The following METTL4 variants were observed in gnomAD, a reference collection of about 807,000 sequenced individuals.
The protein encoded by METTL4 is methyltransferase 4, N6-adenosine, also known as N(6)-adenine-specific methyltransferase METTL4.
In METTL4, 40 loss-of-function variants were observed where a neutral mutation model predicts 54.0. That is an observed-to-expected ratio of 0.74 (90% CI 0.58 to 0.96). METTL4 has a LOEUF of 0.96. METTL4 is among the 50% of genes least tolerant of loss of function. METTL4 has a pLI of 0.00. For missense variants in METTL4, 525 were observed against 549.0 expected (o/e 0.96, Z 0.44); for synonymous variants, 169 against 183.8 (o/e 0.92, Z 0.65).
chr18:2,538,754 C>T lies in METTL4; in HGVS notation c.*246G>A, dbSNP rs188657187. 155 of 434,674 alleles carry T rather than the reference C, an allele frequency of 3.6e-4. No individual in the cohort carries two copies. The highest frequency in any genetic ancestry group is 1.6e-3 in the Admixed American group (42 of 26,990). 26.9% of individuals were successfully genotyped at this position (434,674 alleles called of 1,614,324 possible). A position where few individuals can be genotyped will look rare whatever the true frequency, so the allele number is the denominator to read the frequency against. ...AACTTTTTCAATAGCATGGTCTTGCCGTCTTTATAACTGCTTACCACTTAA... is the reference window on the plus strand; with the variant it reads ...AACTTTTTCAATAGCATGGTCTTGCTGTCTTTATAACTGCTTACCACTTAA... On this transcript the variant is annotated 3_prime_UTR_variant, in exon 9 of 9. Coordinates refer to ENST00000574538, the MANE Select transcript of METTL4 (RefSeq NM_022840.5).
In METTL4 at chr18:2,540,448, AT is replaced by A. The variant is rs2071978293; in HGVS notation, c.1274-1304del. On this transcript the variant is annotated intron_variant, in intron 8 of 8. Transcript: ENST00000574538. ...AGGTTTAAAAGAGAATATATCAAAT[AT>A]TTTAGGTTTCATCATGTTCTTCAGT... 4 of 983,582 alleles carry A rather than the reference AT, an allele frequency of 4.1e-6. No homozygotes were observed. The South Asian group carries it at 1.9e-4, about 46-fold the overall frequency. The allele number at this position is 983,582 out of a possible 1,614,324, so 60.9% of individuals were successfully genotyped here.
chr18:2,561,508 A>T (rs2072316570), intron 3 of METTL4: 1 of 152,364 alleles, frequency 6.6e-6, no homozygotes, highest in African/African-American at 2.4e-5. Flanking sequence ...TAGAAATTTA[A>T]CTTGATGCCA....
At chr18:2,562,955 G>GAA (rs5822712) in intron 3 of METTL4, among the ~76,000 whole-genome samples, 4 of 151,122 alleles carry the variant, frequency 2.6e-5, no homozygotes, top group Admixed American at 6.6e-5. Context: ...GAAAGAAAGG[G>GAA]AAAAAAAACC....
Position 2,554,763 on chromosome 18 carries a change from T to C in METTL4, c.735A>G (p.Thr245=), listed in dbSNP as rs1273711011. 8 of 1,613,740 alleles carry C rather than the reference T, an allele frequency of 5.0e-6. No homozygotes were observed. Among genetic ancestry groups the C allele is most frequent in the Non-Finnish European group, 4.2e-6 (5 of 1,179,832 alleles). The part of the protein sequence containing the change: ...LRVVENNSSF[T]KVITLMGQKY... The stretch of plus-strand genomic sequence containing the variant: ...TCTGTCCCATTAAAGTAATCACTTT[T>C]GTAAAGCTAGAGTTGTTTTCAACAA... Residue 245 remains threonine, a synonymous_variant, in exon 4 of 9, where the codon ACA becomes ACG. Transcript: ENST00000574538.
rs892343746 is a variant in METTL4, at chr18:2,571,130, A to C, written c.-439+19T>G. The stretch of plus-strand genomic sequence containing the variant: ...TGGGAGCCCATTCCACCCACTCCGC[A>C]GCCCCTCTCCCACCTCACCTCTTCC... On this transcript the variant is annotated intron_variant, in intron 1 of 8. Coordinates refer to ENST00000574538, the MANE Select transcript of METTL4 (RefSeq NM_022840.5). The C allele has an allele frequency of 6.6e-6, 1 of 152,482 alleles. No individual in the cohort carries two copies. Among genetic ancestry groups the C allele is most frequent in the Non-Finnish European group, 1.5e-5 (1 of 68,270 alleles). The allele number at this position is 152,482 out of a possible 1,614,324, so 9.4% of individuals were successfully genotyped here.
intron 1 of METTL4, among the ~76,000 whole-genome samples, chr18:2,569,278 AATG>A (rs140505790): frequency 0.048 from 7,273 of 152,288 alleles, 237 homozygotes; most frequent in Middle Eastern, 0.099. Context: ...AGATACTGTG[AATG>A]ATACTAACTT....
intron 1 of METTL4, chr18:2,568,879 G>A (rs2072461831): frequency 4.5e-6 from 1 of 221,982 alleles, no homozygotes; most frequent in South Asian, 7.8e-5. Context: ...TACAAAAACT[G>A]AATATACAGC....
chr18:2,564,327 T>C (rs1598355956), intron 2 of METTL4, among the ~76,000 whole-genome samples: 1 of 151,502 alleles, frequency 6.6e-6, no homozygotes, highest in Non-Finnish European at 1.5e-5. Context: ...AGGAGAATGG[T>C]GTGCGAGACT....
intron 3 of METTL4, among the ~76,000 whole-genome samples, chr18:2,560,307 C>T (rs1346080189): frequency 6.6e-6 from 1 of 152,046 alleles, no homozygotes; most frequent in Non-Finnish European, 1.5e-5. Context: ...GTATCCACCA[C>T]AAAAAGCAAC....
chr18:2,551,362 C>T (rs769390076), intron 5 of METTL4, among the ~76,000 whole-genome samples: 55 of 151,992 alleles, frequency 3.6e-4, no homozygotes, highest in Non-Finnish European at 6.6e-4. Flanking sequence ...TCTGCACACA[C>T]AGAAAACAGA....
In METTL4 at chr18:2,544,227, C is replaced by T; in HGVS notation, c.1241G>A (p.Cys414Tyr). The change falls in exon 8 of 9, where the codon TGT (cysteine) becomes TAT (tyrosine). Residue 414 changes from cysteine (C) to tyrosine (Y), a missense_variant. By Grantham distance (194) the Cys-to-Tyr change is radical (BLOSUM62 -2). Transcript: ENST00000574538. ...PDHKLIVSVP[C>Y]TLHSHKPPLA... ...CGGTGGCTTATGTGAGTGAAGAGTA[C>T]AGGGCACGCTGACAATTAATTTGTG... The T allele has an allele frequency of 6.2e-7, 1 of 1,613,072 alleles. No individual in the cohort carries two copies. Among genetic ancestry groups the T allele is most frequent in the Non-Finnish European group, 8.5e-7 (1 of 1,179,636 alleles).
chr18:2,558,639 C>A (rs1415715701), intron 3 of METTL4, among the ~76,000 whole-genome samples: 1 of 147,854 alleles, frequency 6.8e-6, no homozygotes, highest in East Asian at 2.0e-4. Flanking sequence ...AAAAAAAACA[C>A]AGAAGTCAAT....
chr18:2,563,600 C>CAAA (rs67428228), intron 3 of METTL4, among the ~76,000 whole-genome samples, 197 bp downstream of exon 3: 1,020 of 97,524 alleles, frequency 0.01, 49 homozygotes, highest in African/African-American at 0.028. Context: ...GACTCTGCCT[C>CAAA]AAAAAAAAAA....
intron 2 of METTL4, among the ~76,000 whole-genome samples, chr18:2,564,389 C>T (rs185336357): frequency 6.6e-6 from 1 of 152,214 alleles, no homozygotes; most frequent in East Asian, 1.9e-4. Flanking sequence ...GCATCAGCAC[C>T]CATGAAATAC....
chr18:2,554,528 C>A, intron 4 of METTL4, 141 bp downstream of exon 4: 2 of 728,650 alleles, frequency 2.7e-6, no homozygotes, highest in Non-Finnish European at 2.2e-6. Context: ...AAAATTAAAC[C>A]TAAGAGACAA....
At chr18:2,550,423 C>T (rs1283076908) in intron 5 of METTL4, among the ~76,000 whole-genome samples, 3 of 152,138 alleles carry the variant, frequency 2.0e-5, no homozygotes, top group Non-Finnish European at 2.9e-5. Flanking sequence ...ATGGTGCAGG[C>T]ACTGTAGAAA....
Position 2,544,277 on chromosome 18 carries a change from A to G in METTL4, c.1191T>C (p.Asp397=), listed in dbSNP as rs776763888. The G allele has an allele frequency of 1.2e-6, 2 of 1,611,438 alleles. No individual in the cohort carries two copies. Among genetic ancestry groups the G allele is most frequent in the Admixed American group, 3.4e-5 (2 of 59,496 alleles). ...GGTCTGGAATGGGGAGCACGTTTAC[A>G]TCTGCATTCCTAATTAAACAGAACA... ...EKTALPLRNA[D]VNVLPIPDHK... Residue 397 remains aspartate, a synonymous_variant, in exon 8 of 9, where the codon GAT becomes GAC. Transcript: ENST00000574538.
intron 3 of METTL4, among the ~76,000 whole-genome samples, chr18:2,560,254 T>A (rs1480409429): frequency 6.6e-6 from 1 of 151,240 alleles, no homozygotes; most frequent in Non-Finnish European, 1.5e-5. Context: ...TATCAATAAA[T>A]AAAGAAAAAA....
In METTL4 at chr18:2,545,929, C is replaced by T. The variant is rs547486178; in HGVS notation, c.1075-1170G>A. ...CATCTCTTAGAACTGATAACTACTA[C>T]GGATTAATAATCTTAGTTTCTATGT... On this transcript the variant is annotated intron_variant, in intron 6 of 8. Transcript: ENST00000574538. Among the ~76,000 whole-genome samples, 5 of 152,176 alleles carry T rather than the reference C, an allele frequency of 3.3e-5. No individual in the cohort carries two copies. In the South Asian group the frequency reaches 6.2e-4, roughly 19 times the overall value.
Sources: gnomAD v4.1 joint callset for allele counts (sites outside exome capture counted in the v4.1 genomes callset) on GRCh38, gnomAD v4.1.1 for gene constraint, MANE v1.5 for transcripts, NCBI Gene and HGNC (gene_info 2026-07-23, HGNC 2026-07-21) for gene names.